Variants in PTPRN2 observed in about 807,000 individuals in gnomAD.
PTPRN2 encodes receptor-type tyrosine-protein phosphatase N2.
Under a neutral mutation model 118.8 loss-of-function variants are expected in PTPRN2, and 74 were observed. The observed-to-expected ratio is 0.62, with a 90% CI of 0.52 to 0.76. The LOEUF (loss-of-function observed/expected upper bound fraction) is 0.76. Among genes scored for constraint, PTPRN2 ranks in the 30% least tolerant of loss-of-function variants. The probability of loss-of-function intolerance (pLI) is 0.00; values close to 1 mark genes in which losing one functional copy is unlikely to be tolerated. For synonymous variants in PTPRN2, 641 were observed against 608.0 expected (o/e 1.05, Z -0.80); for missense variants, 1,481 against 1,394.4 (o/e 1.06, Z -0.99).
At position 158,526,945 on chromosome 7, in the gene PTPRN2, C is replaced by G. The variant is rs1186753636; in HGVS notation, c.113-37160G>C. Among the ~76,000 whole-genome samples the G allele has an allele frequency of 1.3e-5, 2 of 152,164 alleles. No homozygotes were observed. Among genetic ancestry groups the G allele is most frequent in the Non-Finnish European group, 2.9e-5 (2 of 68,032 alleles). Reference sequence around the variant, plus strand: ...TTCATACAGTGGATTCCGCCACTTTCTTTCTAACACAATGAAGATAGAGTT... The same window carrying G: ...TTCATACAGTGGATTCCGCCACTTTGTTTCTAACACAATGAAGATAGAGTT... On this transcript the variant is annotated intron_variant, in intron 1 of 22. Transcript: ENST00000389418. The surrounding 1 kb of genome is among the most constrained non-coding windows in gnomAD (Gnocchi z 5.2).
At chr7:158,394,283 T>A (rs998479639) in intron 2 of PTPRN2, among the ~76,000 whole-genome samples, 6 of 151,786 alleles carry the variant, frequency 4.0e-5, no homozygotes, top group Non-Finnish European at 5.9e-5. Context: ...GACGCCTGGC[T>A]CCCCTCTGGC....
chr7:158,267,625 G>A (rs1104921), intron 3 of PTPRN2, among the ~76,000 whole-genome samples: 11,094 of 152,224 alleles, frequency 0.073, 539 homozygotes, highest in Middle Eastern at 0.13. Flanking sequence ...CCTGCCCCTC[G>A]CCCCTGAGAG....
At chr7:158,332,405 AC>A in intron 2 of PTPRN2, among the ~76,000 whole-genome samples, 1 of 128,980 alleles carries the variant, frequency 7.8e-6, no homozygotes, top group African/African-American at 2.7e-5. Context: ...TCACACCCAT[AC>A]TCTCAACATA....
chr7:158,042,699 C>T (rs534918013), intron 11 of PTPRN2, among the ~76,000 whole-genome samples: 1 of 152,136 alleles, frequency 6.6e-6, no homozygotes, highest in Non-Finnish European at 1.5e-5. Flanking sequence ...GAGCCACAGC[C>T]GGCTGATAGA....
intron 9 of PTPRN2, among the ~76,000 whole-genome samples, chr7:158,127,833 C>T (rs368566513): frequency 1.1e-4 from 16 of 152,326 alleles, no homozygotes; most frequent in African/African-American, 3.8e-4. Context: ...CTTCTGGAAA[C>T]CTAACATGAA....
chr7:158,450,237 C>T (rs1267467076), intron 2 of PTPRN2, among the ~76,000 whole-genome samples: 1 of 152,250 alleles, frequency 6.6e-6, no homozygotes. Flanking sequence ...CTAACTCAAT[C>T]ACGGCCCAAA....
intron 11 of PTPRN2, among the ~76,000 whole-genome samples, chr7:157,949,871 G>A (rs772784833): frequency 5.3e-5 from 8 of 152,152 alleles, no homozygotes; most frequent in Non-Finnish European, 8.8e-5. Context: ...TCCTGGGGCC[G>A]GGCAAGTTCC....
At chr7:158,286,488 T>A (rs1195752204) in intron 3 of PTPRN2, among the ~76,000 whole-genome samples, 1 of 152,226 alleles carries the variant, frequency 6.6e-6, no homozygotes, top group South Asian at 2.1e-4. Context: ...TCTGTGAGTT[T>A]GTCATATATG....
chr7:158,394,596 C>T (rs1406868209), intron 2 of PTPRN2, among the ~76,000 whole-genome samples: 3 of 152,228 alleles, frequency 2.0e-5, no homozygotes, highest in African/African-American at 4.8e-5. Context: ...ACTGGCTGCT[C>T]GTCCATCCCC....
chr7:158,278,345 T>TA (rs1256274749), intron 3 of PTPRN2, among the ~76,000 whole-genome samples: 8 of 74,968 alleles, frequency 1.1e-4, no homozygotes, highest in African/African-American at 3.3e-4. Flanking sequence ...TCTACTAAAA[T>TA]ACAAAAAAAA....
At position 157,699,848 on chromosome 7, in the gene PTPRN2, A is replaced by G. The variant is rs572073280; in HGVS notation, c.1789-16911T>C. On this transcript the variant is annotated intron_variant, in intron 12 of 22. Coordinates refer to ENST00000389418, the MANE Select transcript of PTPRN2 (RefSeq NM_002847.5). ...CCTCAGCTGCCAAGTGGCCAACTGC[A>G]TGGAGCCGCCGCATGTCCTCGGTCA... Among the ~76,000 whole-genome samples, 12 of 152,326 alleles carry G rather than the reference A, an allele frequency of 7.9e-5. No individual in the cohort carries two copies. In the South Asian group the frequency reaches 1.2e-3, roughly 16 times the overall value.
intron 2 of PTPRN2, among the ~76,000 whole-genome samples, chr7:158,462,530 A>G (rs1819081869): frequency 6.6e-6 from 1 of 152,206 alleles, no homozygotes; most frequent in Non-Finnish European, 1.5e-5. Context: ...GGCCATGAAA[A>G]TGGTGGTAGA....
chr7:157,599,365 T>C (rs1191777859), intron 16 of PTPRN2, among the ~76,000 whole-genome samples: 1 of 152,248 alleles, frequency 6.6e-6, no homozygotes, highest in Non-Finnish European at 1.5e-5. Flanking sequence ...TGTTATCCCT[T>C]GGTTGACTGA....
At chr7:157,871,348 G>C (rs1811034004) in intron 12 of PTPRN2, among the ~76,000 whole-genome samples, 1 of 152,188 alleles carries the variant, frequency 6.6e-6, no homozygotes. Context: ...TTCTGATGCA[G>C]GCTGACATAT....
chr7:158,579,281 T>C (rs1157284187), intron 1 of PTPRN2, among the ~76,000 whole-genome samples: 1 of 152,234 alleles, frequency 6.6e-6, no homozygotes, highest in Non-Finnish European at 1.5e-5. Context: ...CTATTGTCAG[T>C]TCATCTGAGA....
intron 13 of PTPRN2, among the ~76,000 whole-genome samples, chr7:157,663,479 C>T (rs1795994171): frequency 6.6e-6 from 1 of 152,220 alleles, no homozygotes; most frequent in African/African-American, 2.4e-5. Context: ...GCTGCGCTCA[C>T]GGGGAACGGG....
At chr7:158,042,689 G>A (rs1199018341) in intron 11 of PTPRN2, among the ~76,000 whole-genome samples, 1 of 152,204 alleles carries the variant, frequency 6.6e-6, no homozygotes, top group Non-Finnish European at 1.5e-5. Flanking sequence ...TGGCTGTCCT[G>A]AGCCACAGCC....
chr7:158,022,460 G>A lies in PTPRN2; in HGVS notation c.1723+58838C>T, dbSNP rs527345831. Among the ~76,000 whole-genome samples the A allele has an allele frequency of 6.6e-6, 1 of 152,238 alleles. No homozygotes were observed. The highest frequency in any genetic ancestry group is 6.5e-5 in the Admixed American group (1 of 15,292). On this transcript the variant is annotated intron_variant, in intron 11 of 22. Coordinates refer to ENST00000389418, the MANE Select transcript of PTPRN2 (RefSeq NM_002847.5). The surrounding 1 kb of genome is among the most constrained non-coding windows in gnomAD (Gnocchi z 4.6). ...TTCACAGCCAAGGCCCCGGCACCTG[G>A]GCACTCTGGGGCAGCCCGTAATGTG... is the stretch of plus-strand genomic sequence containing the variant.
At position 158,312,271 on chromosome 7, in the gene PTPRN2, CATGTAG is replaced by C. The variant is rs1383538327; in HGVS notation, c.277+4542_277+4547del. Among the ~76,000 whole-genome samples, 9 of 120,542 alleles carry C rather than the reference CATGTAG, an allele frequency of 7.5e-5. No individual in the cohort carries two copies. In the South Asian group the frequency reaches 1.3e-3, roughly 18 times the overall value. The allele number at this position is 120,542 out of a possible 152,430, so 79.1% of individuals were successfully genotyped here. ...ACCTGCACACGCACTCACGTGCTCA[CATGTAG>C]ACACGCACACATGCACACACATGTG... On this transcript the variant is annotated intron_variant, in intron 3 of 22. Transcript: ENST00000389418.
Sources: allele counts gnomAD v4.1 joint callset (sites outside exome capture counted in the v4.1 genomes callset), GRCh38; gene constraint gnomAD v4.1.1; non-coding constraint Gnocchi (gnomAD v3.1); transcripts MANE v1.5; gene names NCBI Gene and HGNC (gene_info 2026-07-23, HGNC 2026-07-21).